The following SLC45A1 variants were observed in gnomAD, a reference collection of about 807,000 sequenced individuals.
SLC45A1 encodes solute carrier family 45 member 1.
A neutral mutation model predicts 57.6 loss-of-function variants in SLC45A1; 28 were observed. The observed-to-expected ratio is 0.49, with a 90% CI of 0.36 to 0.67. The LOEUF (loss-of-function observed/expected upper bound fraction) is 0.67, where lower values mean the gene tolerates loss of function less well. Among genes scored for constraint, SLC45A1 ranks in the 30% least tolerant of loss-of-function variants. The pLI is 0.00. For synonymous variants in SLC45A1, 459 were observed against 471.5 expected (o/e 0.97, Z 0.34); for missense variants, 814 against 1,041.5 (o/e 0.78, Z 3.01).
chr1:8,334,818 A>G (rs1000779468), intron 5 of SLC45A1, among the ~76,000 whole-genome samples: 1 of 152,198 alleles, frequency 6.6e-6, no homozygotes, highest in African/African-American at 2.4e-5. Context: ...AGGAGTTTGC[A>G]AACCGAGTGA....
At chr1:8,337,064 A>G (rs968833446) in intron 6 of SLC45A1, among the ~76,000 whole-genome samples, 2 of 152,250 alleles carry the variant, frequency 1.3e-5, no homozygotes, top group Non-Finnish European at 2.9e-5. Flanking sequence ...GCTAATAAAG[A>G]CATACACGAA....
Position 8,330,063 on chromosome 1 carries a change from T to G in SLC45A1, c.716-146T>G. 38 of 997,468 alleles carry G rather than the reference T, an allele frequency of 3.8e-5. No homozygotes were observed. The highest frequency in any genetic ancestry group is 4.9e-5 in the East Asian group (2 of 40,950). 61.8% of individuals were successfully genotyped at this position (997,468 alleles called of 1,614,324 possible). A position where few individuals can be genotyped will look rare whatever the true frequency, so the allele number is the denominator to read the frequency against. ...GGCCCGCCCTGGGAATCCTGTCCCA[T>G]TTTGTTGGGGTTTAGGTGGAACAGG... On this transcript the variant is annotated intron_variant, in intron 4 of 8. Transcript: ENST00000471889. The surrounding 1 kb of genome is among the most constrained non-coding windows in gnomAD (Gnocchi z 8.4).
chr1:8,333,491 G>A (rs919163986), intron 5 of SLC45A1, among the ~76,000 whole-genome samples: 169 of 152,124 alleles, frequency 1.1e-3, no homozygotes, highest in African/African-American at 3.6e-3. Context: ...GCTGGAGTGC[G>A]GTGGTGCATT....
In SLC45A1 at chr1:8,328,410, G is replaced by A. The variant is rs1640266791; in HGVS notation, c.716-1799G>A. Among the ~76,000 whole-genome samples the A allele has an allele frequency of 6.6e-6, 1 of 152,220 alleles. No individual in the cohort carries two copies. The highest frequency in any genetic ancestry group is 1.5e-5 in the Non-Finnish European group (1 of 68,040). On this transcript the variant is annotated intron_variant, in intron 4 of 8. Transcript: ENST00000471889. The surrounding 1 kb of genome is among the most constrained non-coding windows in gnomAD (Gnocchi z 4.6). ...TTCCTCTTTCCACACGTGCGCTGCT[G>A]TGGGCGAGGGAACTTCTAAAGGGGC...
chr1:8,338,604 C>T (rs1051534324), intron 7 of SLC45A1, among the ~76,000 whole-genome samples: 18 of 152,240 alleles, frequency 1.2e-4, no homozygotes, highest in Non-Finnish European at 1.9e-4. Context: ...TTGGTATTTC[C>T]GGCTTTGCCG....
rs1640909349 is a variant in SLC45A1, at chr1:8,343,837, G to T, written c.2071G>T (p.Val691Phe). The T allele has an allele frequency of 6.2e-7, 1 of 1,614,046 alleles. No homozygotes were observed. ...SCQYFLAQIL[V>F]SLVLGPLTSA... The stretch of plus-strand genomic sequence containing the variant: ...CCAGTACTTCCTGGCTCAGATTCTG[G>T]TCTCCCTGGTCCTGGGGCCCCTGAC... Residue 691 changes from valine to phenylalanine, a missense_variant, in exon 9 of 9, where the codon GTC (valine) becomes TTC (phenylalanine). By Grantham distance (50) the Val-to-Phe change is conservative. Coordinates refer to ENST00000471889, the MANE Select transcript of SLC45A1 (RefSeq NM_001080397.3). This position sits in a 1 kb window ranked among gnomAD's most constrained non-coding sequence, Gnocchi z 7.7.
intron 5 of SLC45A1, among the ~76,000 whole-genome samples, chr1:8,332,504 C>T (rs535749001): frequency 2.6e-5 from 4 of 151,006 alleles, no homozygotes; most frequent in South Asian, 2.1e-4. Context: ...TGGGGTTTCA[C>T]GGGCTGATTT....
chr1:8,326,159 A>T lies in SLC45A1; in HGVS notation c.715+117A>T. ...ACAAAGAAGCTGGGAGAATTCCAAT[A>T]CATGGAGAAACACTGAAGTGATTGA... On this transcript the variant is annotated intron_variant, in intron 4 of 8. Coordinates refer to ENST00000471889, the MANE Select transcript of SLC45A1 (RefSeq NM_001080397.3). The surrounding 1 kb of genome is among the most constrained non-coding windows in gnomAD (Gnocchi z 5.5). The T allele has an allele frequency of 1.4e-6, 1 of 724,568 alleles. No individual in the cohort carries two copies. Among genetic ancestry groups the T allele is most frequent in the Admixed American group, 2.5e-5 (1 of 40,326 alleles). 44.9% of individuals were successfully genotyped at this position (724,568 alleles called of 1,614,324 possible).
Position 8,335,203 on chromosome 1 carries a change from G to A in SLC45A1, c.1444-234G>A, listed in dbSNP as rs1640565831. 1.3e-5 allele frequency among the ~76,000 whole-genome samples: 2 copies of A among 152,186 alleles called. No homozygotes were observed. Among genetic ancestry groups the A allele is most frequent in the Admixed American group, 1.3e-4 (2 of 15,280 alleles). On this transcript the variant is annotated intron_variant, in intron 5 of 8. Transcript: ENST00000471889. This position sits in a 1 kb window ranked among gnomAD's most constrained non-coding sequence, Gnocchi z 4.1. ...GATAGTGTCCTGTGGCCACACTGTG[G>A]GCACACCTGAAATGGAATTCTAGCC...
chr1:8,324,461 C>G lies in SLC45A1; in HGVS notation c.132C>G (p.Asn44Lys), dbSNP rs1489042033. The G allele has an allele frequency of 6.2e-7, 1 of 1,612,762 alleles. No individual in the cohort carries two copies. Among genetic ancestry groups the G allele is most frequent in the Admixed American group, 1.7e-5 (1 of 59,990 alleles). Residue 44 changes from asparagine (N) to lysine (K), a missense_variant, in exon 2 of 9, where the codon AAC becomes AAG. By Grantham distance (94) the Asn-to-Lys change is moderately conservative (BLOSUM62 0). Transcript: ENST00000471889. The part of the protein sequence containing the change: ...SVTRHLSHRA[N>K]NFKRHPKRRK... ...CACGACACCTCAGTCACCGGGCCAA[C>G]AACTTCAAACGACACCCCAAGAGGA...
In SLC45A1 at chr1:8,342,115, A is replaced by G. The variant is rs12408647; in HGVS notation, c.1981-1632A>G. On this transcript the variant is annotated intron_variant, in intron 8 of 8. Coordinates refer to ENST00000471889, the MANE Select transcript of SLC45A1 (RefSeq NM_001080397.3). ...CCAGCTACTCTGGAGGCTGAGGCAG[A>G]AGAATGGCGTGAACCCGGGAGGCGG... Among the ~76,000 whole-genome samples, 935 of 146,280 alleles carry G rather than the reference A, an allele frequency of 6.4e-3. 12 individuals carry two copies. Among genetic ancestry groups the G allele is most frequent in the Admixed American group, 0.032 (477 of 14,774 alleles).
rs567356809 is a variant in SLC45A1 at position 8,338,285 on chromosome 1, G to T, written c.1774+293G>T. Among the ~76,000 whole-genome samples, 10 of 152,354 alleles carry T rather than the reference G, an allele frequency of 6.6e-5. No homozygotes were observed. In the South Asian group the frequency reaches 1.7e-3, roughly 25 times the overall value. ...GAGGGCGAAGTGGGGGGCCCTGGGGGAACCCCAAGGCCACACCCAGGCAGC... is the reference window on the plus strand; with the variant it reads ...GAGGGCGAAGTGGGGGGCCCTGGGGTAACCCCAAGGCCACACCCAGGCAGC... On this transcript the variant is annotated intron_variant, in intron 7 of 8. Coordinates refer to ENST00000471889, the MANE Select transcript of SLC45A1 (RefSeq NM_001080397.3).
At chr1:8,319,051 C>T (rs1557555611) in intron 1 of SLC45A1, among the ~76,000 whole-genome samples, 1 of 152,140 alleles carries the variant, frequency 6.6e-6, no homozygotes, top group East Asian at 1.9e-4. Context: ...GAGGCTGAGT[C>T]GGGTGGATCA....
Position 8,327,277 on chromosome 1 carries a change from A to G in SLC45A1, c.715+1235A>G, listed in dbSNP as rs1640234115. On this transcript the variant is annotated intron_variant, in intron 4 of 8. Transcript: ENST00000471889. The surrounding 1 kb of genome is among the most constrained non-coding windows in gnomAD (Gnocchi z 4.3). Reference sequence around the variant, plus strand: ...ATCCATACCATGCATATATGTATGTATATATACATACCTGTGGCATGCTTA... The same window carrying G: ...ATCCATACCATGCATATATGTATGTGTATATACATACCTGTGGCATGCTTA... Among the ~76,000 whole-genome samples, 1 of 152,288 alleles carries G rather than the reference A, an allele frequency of 6.6e-6. No individual in the cohort carries two copies. The highest frequency in any genetic ancestry group is 2.1e-4 in the South Asian group (1 of 4,828).
chr1:8,337,423 G>C (rs1461672794), intron 6 of SLC45A1, among the ~76,000 whole-genome samples: 1 of 152,144 alleles, frequency 6.6e-6, no homozygotes, highest in Non-Finnish European at 1.5e-5. Flanking sequence ...TAAATTGCTT[G>C]TTACTTTTTT....
Position 8,341,256 on chromosome 1 carries a change from C to T in SLC45A1, c.1980+1558C>T, listed in dbSNP as rs746199124. ...ATGAATAGAAATTTCACTTCACAGC[C>T]GGGTGCGGTGGCTCACGCCTGTAAT... On this transcript the variant is annotated intron_variant, in intron 8 of 8. Transcript: ENST00000471889. Among the ~76,000 whole-genome samples, 24 of 150,650 alleles carry T rather than the reference C, an allele frequency of 1.6e-4. 1 individual carries two copies. Among genetic ancestry groups the T allele is most frequent in the Admixed American group, 1.6e-3 (24 of 15,118 alleles).
In SLC45A1 at chr1:8,330,456, C is replaced by A. The variant is rs369654656; in HGVS notation, c.963C>A (p.Gly321=). 16 of 1,611,904 alleles carry A rather than the reference C, an allele frequency of 9.9e-6. No homozygotes were observed. In the African/African-American group the frequency reaches 1.3e-4, roughly 13 times the overall value. ...PPSPPVLPEE[G]PGDSLPSHTA... The stretch of plus-strand genomic sequence containing the variant: ...CCCCACCCGTCCTGCCAGAGGAAGG[C>A]CCTGGCGACAGCCTCCCGTCGCACA... The change falls in exon 5 of 9, where the codon GGC becomes GGA. Residue 321 remains glycine (G), a synonymous_variant. Transcript: ENST00000471889. This position sits in a 1 kb window ranked among gnomAD's most constrained non-coding sequence, Gnocchi z 8.4.
In SLC45A1 at chr1:8,326,843, G is replaced by C. The variant is rs568613375; in HGVS notation, c.715+801G>C. Among the ~76,000 whole-genome samples the C allele has an allele frequency of 6.6e-6, 1 of 152,258 alleles. No homozygotes were observed. Among genetic ancestry groups the C allele is most frequent in the Admixed American group, 6.5e-5 (1 of 15,288 alleles). On this transcript the variant is annotated intron_variant, in intron 4 of 8. Coordinates refer to ENST00000471889, the MANE Select transcript of SLC45A1 (RefSeq NM_001080397.3). This position sits in a 1 kb window ranked among gnomAD's most constrained non-coding sequence, Gnocchi z 5.5. ...AAAATACAAAAAATTAGCTGGGCGT[G>C]GTGGCACATGCCTGTAATCCCAGCT...
At chr1:8,331,343 AAC>A (rs1640402826) in intron 5 of SLC45A1, among the ~76,000 whole-genome samples, 1 of 90,568 alleles carries the variant, frequency 1.1e-5, no homozygotes, top group African/African-American at 4.1e-5. Flanking sequence ...ATTTTTAAAA[AAC>A]ACTTTTAAAA....
Sources: gnomAD v4.1 joint callset for allele counts (sites outside exome capture counted in the v4.1 genomes callset) on GRCh38, gnomAD v4.1.1 for gene constraint, Gnocchi (gnomAD v3.1) non-coding constraint, MANE v1.5 for transcripts, NCBI Gene and HGNC (gene_info 2026-07-23, HGNC 2026-07-21) for gene names.